The following CPLX1 variants were observed in gnomAD, a reference collection of about 807,000 sequenced individuals.
CPLX1 encodes the protein complexin-1.
CPLX1 carries 6 observed loss-of-function variants against 15.6 expected under a neutral mutation model. That is an observed-to-expected ratio of 0.39 (90% CI 0.21 to 0.76). The LOEUF (loss-of-function observed/expected upper bound fraction) is 0.76, where lower values mean the gene tolerates loss of function less well. CPLX1 is among the 30% of genes least tolerant of loss of function. The pLI is 0.43. For missense variants in CPLX1, 242 were observed against 188.6 expected, an observed-to-expected ratio of 1.28 and a Z score of -1.66; for synonymous variants, 91 against 75.2, an observed-to-expected ratio of 1.21 and a Z score of -1.08.
At position 787,299 on chromosome 4, in the gene CPLX1, C is replaced by T. The variant is rs6836736; in HGVS notation, c.208-601G>A. On this transcript the variant is annotated intron_variant, in intron 3 of 3. Transcript: ENST00000304062. ...TGTCCTGGAATCCCGCCTAGTCGTG[C>T]CCTCAGCCAGTATGCCTGGGCCTCA... 2.2e-3 allele frequency: 2,158 copies of T among 985,368 alleles called. 35 individuals are homozygous for T. The African/African-American group carries it at 0.035, about 16-fold the overall frequency. 61.0% of individuals were successfully genotyped at this position (985,368 alleles called of 1,614,324 possible). A position where few individuals can be genotyped will look rare whatever the true frequency, so the allele number is the denominator to read the frequency against.
At chr4:789,108 C>T (rs1441523937) in intron 3 of CPLX1, among the ~76,000 whole-genome samples, 1 of 152,222 alleles carries the variant, frequency 6.6e-6, no homozygotes, top group African/African-American at 2.4e-5. Flanking sequence ...GCTGAGGTCA[C>T]GCCGGACTTG....
rs1745988607 is a variant in CPLX1 at position 786,381 on chromosome 4, G to A, written c.*120C>T. 21 of 1,169,392 alleles carry A rather than the reference G, an allele frequency of 1.8e-5. No homozygotes were observed. Among genetic ancestry groups the A allele is most frequent in the Non-Finnish European group, 2.4e-5 (21 of 872,958 alleles). 72.4% of individuals were successfully genotyped at this position (1,169,392 alleles called of 1,614,324 possible). On this transcript the variant is annotated 3_prime_UTR_variant, in exon 4 of 4. Coordinates refer to ENST00000304062, the MANE Select transcript of CPLX1 (RefSeq NM_006651.4). ...GAGGCGGCGGGCGCGGGCAGGGCGG[G>A]CCTGGGGCTATGGCTTATATCGGCG...
At chr4:800,620 C>T (rs1314767072) in intron 2 of CPLX1, among the ~76,000 whole-genome samples, 1 of 138,062 alleles carries the variant, frequency 7.2e-6, no homozygotes, top group Non-Finnish European at 1.5e-5. Context: ...GACATGGTGA[C>T]GGGCAACCGT....
chr4:797,058 G>A lies in CPLX1; in HGVS notation c.32-4450C>T, dbSNP rs1047327416. Among the ~76,000 whole-genome samples the A allele has an allele frequency of 1.1e-4, 16 of 152,294 alleles. 3 individuals are homozygous for A. The highest frequency in any genetic ancestry group is 1.9e-4 in the East Asian group (1 of 5,178). On this transcript the variant is annotated intron_variant, in intron 2 of 3. Coordinates refer to ENST00000304062, the MANE Select transcript of CPLX1 (RefSeq NM_006651.4). ...ATGGGACAGGATACTTAATGGGAAA[G>A]AATAAAACTGGACCCCTGCACAACA... is the stretch of plus-strand genomic sequence containing the variant.
At position 817,610 on chromosome 4, in the gene CPLX1, G is replaced by C. The variant is rs539601690; in HGVS notation, c.31+6882C>G. Reference sequence around the variant, plus strand: ...GACTCCTAGGCAAAAATTAAAACAAGACCCAGCATAATCAGGATAATTTAA... The same window carrying C: ...GACTCCTAGGCAAAAATTAAAACAACACCCAGCATAATCAGGATAATTTAA... On this transcript the variant is annotated intron_variant, in intron 2 of 3. Transcript: ENST00000304062. Among the ~76,000 whole-genome samples, 53 of 152,054 alleles carry C rather than the reference G, an allele frequency of 3.5e-4. 1 individual carries two copies. The highest frequency in any genetic ancestry group is 2.9e-5 in the Non-Finnish European group (2 of 67,984).
chr4:788,397 G>T (rs904132620), intron 3 of CPLX1: 1 of 985,228 alleles, frequency 1.0e-6, no homozygotes, highest in African/African-American at 1.7e-5. Context: ...GTTCCCAGCC[G>T]CCTGTGGCCA....
At chr4:802,253 C>CG (rs1560241750) in intron 2 of CPLX1, among the ~76,000 whole-genome samples, 1 of 152,178 alleles carries the variant, frequency 6.6e-6, no homozygotes, top group African/African-American at 2.4e-5. Context: ...CCAAACAACA[C>CG]GGGAGAATCT....
rs929871013 is a variant in CPLX1, at chr4:788,058, A to G, written c.208-1360T>C. 1.5e-5 allele frequency: 15 copies of G among 985,412 alleles called. No individual in the cohort carries two copies. The African/African-American group carries it at 2.6e-4, about 17-fold the overall frequency. The allele number at this position is 985,412 out of a possible 1,614,324, so 61.0% of individuals were successfully genotyped here. Reference sequence around the variant, plus strand: ...AAAACTTAGGAGGGGAGTGGGCACCAGCACTCTACAGGACGGAGGAGCACA... The same window carrying G: ...AAAACTTAGGAGGGGAGTGGGCACCGGCACTCTACAGGACGGAGGAGCACA... On this transcript the variant is annotated intron_variant, in intron 3 of 3. Transcript: ENST00000304062.
intron 3 of CPLX1, chr4:788,279 A>G: frequency 1.0e-6 from 1 of 984,858 alleles, no homozygotes; most frequent in Non-Finnish European, 1.2e-6. Flanking sequence ...GTGCTCCCCA[A>G]CCCCACCGAG....
At position 824,612 on chromosome 4, in the gene CPLX1, G is replaced by A; in HGVS notation, c.-79-11C>T. 2 of 1,430,834 alleles carry A rather than the reference G, an allele frequency of 1.4e-6. No individual in the cohort carries two copies. The highest frequency in any genetic ancestry group is 2.0e-6 in the Non-Finnish European group (2 of 1,015,260). The allele number at this position is 1,430,834 out of a possible 1,614,324, so 88.6% of individuals were successfully genotyped here. On this transcript the variant is annotated splice_polypyrimidine_tract_variant and intron_variant, in intron 1 of 3. Transcript: ENST00000304062. ...GAGCGAGTGTTCTTCCTGGGGGAGA[G>A]TGAAGTGGTCACAGGTCACCCTAAG... is the stretch of plus-strand genomic sequence containing the variant.
chr4:798,006 G>A (rs1746377808), intron 2 of CPLX1, among the ~76,000 whole-genome samples: 1 of 152,150 alleles, frequency 6.6e-6, no homozygotes, highest in Non-Finnish European at 1.5e-5. Flanking sequence ...CAGGCACAGT[G>A]GCTCACGCCT....
chr4:787,496 G>A lies in CPLX1; in HGVS notation c.208-798C>T, dbSNP rs1180649276. ...GTAAGGATGGGGACGAGGCCATCCT[G>A]GATTTGAGGGGCCTCAAGTCCAGTG... On this transcript the variant is annotated intron_variant, in intron 3 of 3. Coordinates refer to ENST00000304062, the MANE Select transcript of CPLX1 (RefSeq NM_006651.4). The A allele has an allele frequency of 5.6e-6, 4 of 708,206 alleles. No homozygotes were observed. The African/African-American group carries it at 7.8e-5, about 14-fold the overall frequency. 43.9% of individuals were successfully genotyped at this position (708,206 alleles called of 1,614,324 possible). A position where few individuals can be genotyped will look rare whatever the true frequency, so the allele number is the denominator to read the frequency against.
chr4:813,237 CCTGGGTGGCTGAG>C (rs1746694096), intron 2 of CPLX1, among the ~76,000 whole-genome samples: 1 of 148,034 alleles, frequency 6.8e-6, no homozygotes. Context: ...TGCACTCCTG[CCTGGGTGGCTGAG>C]CTAGACTCTG....
chr4:798,209 A>C (rs1746381606), intron 2 of CPLX1, among the ~76,000 whole-genome samples: 2 of 134,490 alleles, frequency 1.5e-5, no homozygotes, highest in African/African-American at 5.7e-5. Context: ...CAAGAGGTGG[A>C]GGTTGCAGTG....
chr4:819,355 G>C (rs991754076), intron 2 of CPLX1, among the ~76,000 whole-genome samples: 31 of 152,288 alleles, frequency 2.0e-4, no homozygotes, highest in African/African-American at 6.7e-4. Flanking sequence ...TCACGGTTTC[G>C]GGAGGAAAGG....
chr4:824,568 C>G lies in CPLX1; in HGVS notation c.-46G>C. On this transcript the variant is annotated 5_prime_UTR_variant, in exon 2 of 4. Transcript: ENST00000304062. ...AGTGGCTCCTCCAGGGGTCAGAACTCACACGCAAGTATGGCCGGGAGCGAG... is the reference window on the plus strand; with the variant it reads ...AGTGGCTCCTCCAGGGGTCAGAACTGACACGCAAGTATGGCCGGGAGCGAG... 6.2e-7 allele frequency: 1 copy of G among 1,606,016 alleles called. No individual in the cohort carries two copies. Among genetic ancestry groups the G allele is most frequent in the Non-Finnish European group, 8.5e-7 (1 of 1,173,632 alleles).
intron 3 of CPLX1, among the ~76,000 whole-genome samples, chr4:788,874 A>G (rs1421875647): frequency 1.3e-5 from 2 of 152,228 alleles, no homozygotes; most frequent in African/African-American, 4.8e-5. Context: ...GTGTGTGCTC[A>G]GAGGAGCATG....
rs1746023259 is a variant in CPLX1 at position 787,179 on chromosome 4, C to T, written c.208-481G>A. ...CCTGGCCAAGGCTGCCTGGATGCGGCCGCGGCCCCAGCAGGGCCACTCCCT... is the reference window on the plus strand; with the variant it reads ...CCTGGCCAAGGCTGCCTGGATGCGGTCGCGGCCCCAGCAGGGCCACTCCCT... On this transcript the variant is annotated intron_variant, in intron 3 of 3. Transcript: ENST00000304062. 4.1e-6 allele frequency: 4 copies of T among 985,204 alleles called. No homozygotes were observed. In the South Asian group the frequency reaches 1.9e-4, roughly 46 times the overall value. 61.0% of individuals were successfully genotyped at this position (985,204 alleles called of 1,614,324 possible).
chr4:802,750 C>A (rs1456547747), intron 2 of CPLX1, among the ~76,000 whole-genome samples: 1 of 152,094 alleles, frequency 6.6e-6, no homozygotes, highest in Non-Finnish European at 1.5e-5. Context: ...GAGTTTGAGA[C>A]CAGCCTGGCC....
Sources: allele counts gnomAD v4.1 joint callset (sites outside exome capture counted in the v4.1 genomes callset), GRCh38; gene constraint gnomAD v4.1.1; transcripts MANE v1.5; gene names NCBI Gene and HGNC (gene_info 2026-07-23, HGNC 2026-07-21).